The following SYNE2 variants were observed in gnomAD, a reference collection of about 807,000 sequenced individuals.
SYNE2 encodes spectrin repeat containing nuclear envelope protein 2, also known as nesprin-2.
In SYNE2, 431 loss-of-function variants were observed where a neutral mutation model predicts 856.3. That is an observed-to-expected ratio of 0.50 (90% CI 0.47 to 0.55). The LOEUF is 0.55. SYNE2 is among the 20% of genes least tolerant of loss of function. SYNE2 has a pLI of 0.00. For synonymous variants in SYNE2, 2,923 were observed against 2,872.3 expected, an observed-to-expected ratio of 1.02 and a Z score of -0.56; for missense variants, 8,129 against 8,023.2, an observed-to-expected ratio of 1.01 and a Z score of -0.50.
At chr14:64,218,341 GTTC>G (rs2098676611) in intron 108 of SYNE2, 54 bp from the exon 109 acceptor site, 2 of 1,473,090 alleles carry the variant, frequency 1.4e-6, no homozygotes, top group Admixed American at 3.5e-5. Context: ...GAATCCAGTT[GTTC>G]TTCAGATATC....
At chr14:63,990,320 G>A in intron 19 of SYNE2, 91 bp from the exon 20 acceptor site, 12 of 1,314,466 alleles carry the variant, frequency 9.1e-6, no homozygotes, top group Non-Finnish European at 1.3e-5. Context: ...GATTAATAAT[G>A]AACTTTTTTG....
intron 74 of SYNE2, 78 bp downstream of exon 74, chr14:64,128,631 C>T (rs1287694333): frequency 5.7e-6 from 5 of 882,150 alleles, no homozygotes; most frequent in Non-Finnish European, 7.8e-6. Flanking sequence ...TTCTGAACTA[C>T]TTTCCTTTGT....
In SYNE2 at chr14:63,948,734, G is replaced by GTGTGTATATATATATATGTA. The variant is rs1296695009; in HGVS notation, c.409-1090_409-1089insGTGTATATATATATATGTAT. Among the ~76,000 whole-genome samples, 14 of 57,492 alleles carry GTGTGTATATATATATATGTA rather than the reference G, an allele frequency of 2.4e-4. 2 individuals carry two copies. Among genetic ancestry groups the GTGTGTATATATATATATGTA allele is most frequent in the South Asian group, 1.2e-3 (2 of 1,706 alleles). The allele number at this position is 57,492 out of a possible 152,430, so 37.7% of individuals were successfully genotyped here. A position where few individuals can be genotyped will look rare whatever the true frequency, so the allele number is the denominator to read the frequency against. ...TATATATATGTGTGTATATATATGTGTATAGATATGTGTGTGTATATATAT... is the reference window on the plus strand; with the variant it reads ...TATATATATGTGTGTATATATATGTGTGTGTATATATATATATGTATATAGATATGTGTGTGTATATATAT... On this transcript the variant is annotated intron_variant, in intron 6 of 115. Transcript: ENST00000555002.
intron 94 of SYNE2, among the ~76,000 whole-genome samples, chr14:64,172,555 C>A (rs959213051): frequency 4.6e-5 from 7 of 152,036 alleles, no homozygotes; most frequent in African/African-American, 1.5e-4. Flanking sequence ...CCCTATAAAC[C>A]CAACCTCAGA....
chr14:63,869,646 A>AAC (rs1555354375), intron 1 of SYNE2, among the ~76,000 whole-genome samples: 2 of 151,316 alleles, frequency 1.3e-5, no homozygotes, highest in East Asian at 3.9e-4. Flanking sequence ...CAAAAAAAAA[A>AAC]AAAAAAAAAA....
intron 1 of SYNE2, among the ~76,000 whole-genome samples, chr14:63,767,172 T>A (rs2139694812): frequency 6.6e-6 from 1 of 150,934 alleles, no homozygotes; most frequent in Middle Eastern, 3.4e-3. Context: ...AGTGGCGCAA[T>A]CTCGGCTCAC....
chr14:64,094,039 C>T (rs1316888059), intron 61 of SYNE2, among the ~76,000 whole-genome samples: 1 of 152,106 alleles, frequency 6.6e-6, no homozygotes. Context: ...TCAGAATTAA[C>T]AGTGTCCTGT....
rs374654853 is a variant in SYNE2 at position 64,024,386 on chromosome 14, G to A, written c.5767G>A (p.Glu1923Lys). 9 of 1,614,122 alleles carry A rather than the reference G, an allele frequency of 5.6e-6. No homozygotes were observed. The highest frequency in any genetic ancestry group is 1.7e-5 in the Admixed American group (1 of 60,008). ...LISWLVGQEFELEKMESICQA... is the reference protein window; with the variant it reads ...LISWLVGQEFKLEKMESICQA... ...CAGTTGGCTCGTGGGTCAGGAATTC[G>A]AATTAGAAAAAATGGAGTCCATATG... Residue 1923 changes from glutamate to lysine, a missense_variant, in exon 39 of 116, where the codon GAA becomes AAA. By Grantham distance (56) the Glu-to-Lys change is moderately conservative. Around this residue, in one of 3 missense-constraint regions of SYNE2, gnomAD observed 2,422 missense variants for 2,357.4 expected, o/e 1.03. Coordinates refer to ENST00000555002, the MANE Select transcript of SYNE2 (RefSeq NM_182914.3).
chr14:64,176,203 G>A (rs932915869), intron 95 of SYNE2, among the ~76,000 whole-genome samples: 2 of 152,060 alleles, frequency 1.3e-5, no homozygotes, highest in African/African-American at 2.4e-5. Flanking sequence ...CTAATGAATC[G>A]AATATAAATA....
At chr14:64,174,067 A>ATTT in intron 94 of SYNE2, 2 of 536,942 alleles carry the variant, frequency 3.7e-6, no homozygotes, top group African/African-American at 2.0e-5. Flanking sequence ...TTGTCTCTTA[A>ATTT]ATTTTTTTTT....
intron 45 of SYNE2, among the ~76,000 whole-genome samples, chr14:64,047,197 G>A (rs938668908): frequency 6.6e-6 from 1 of 152,190 alleles, no homozygotes; most frequent in African/African-American, 2.4e-5. Context: ...CTGGAGGGGG[G>A]ATGGGAAGGG....
chr14:63,820,930 T>C (rs1435541381), intron 1 of SYNE2, among the ~76,000 whole-genome samples: 1 of 152,076 alleles, frequency 6.6e-6, no homozygotes, highest in Non-Finnish European at 1.5e-5. Flanking sequence ...TTTGTATTTT[T>C]AGTAGAGACG....
intron 49 of SYNE2, among the ~76,000 whole-genome samples, chr14:64,060,300 T>C (rs1595216809): frequency 6.6e-6 from 1 of 152,186 alleles, no homozygotes; most frequent in East Asian, 1.9e-4. Context: ...AGGCCCACAG[T>C]GTGTACTACC....
intron 10 of SYNE2, among the ~76,000 whole-genome samples, chr14:63,964,785 A>G (rs2096367968): frequency 6.6e-6 from 1 of 152,012 alleles, no homozygotes; most frequent in Non-Finnish European, 1.5e-5. Context: ...CGGCCTCCCA[A>G]AGTGCTGGGA....
intron 58 of SYNE2, 129 bp from the exon 59 acceptor site, chr14:64,089,445 G>T: frequency 7.3e-6 from 4 of 547,418 alleles, no homozygotes; most frequent in Non-Finnish European, 6.0e-6. Context: ...TGCTTGGTTA[G>T]TTTTTCAGAG....
chr14:63,877,679 A>G (rs576198597), intron 1 of SYNE2, among the ~76,000 whole-genome samples: 1 of 152,322 alleles, frequency 6.6e-6, no homozygotes, highest in African/African-American at 2.4e-5. Context: ...GGAGCTTGAT[A>G]TTTAACAGTG....
chr14:63,836,742 C>T (rs1889870303), intron 1 of SYNE2, among the ~76,000 whole-genome samples: 2 of 152,188 alleles, frequency 1.3e-5, no homozygotes, highest in Non-Finnish European at 2.9e-5. Context: ...GTCTTTGCCT[C>T]TCCTTTCTCC....
chr14:63,838,396 T>C lies in SYNE2; in HGVS notation c.-304-14105T>C, dbSNP rs889327494. Among the ~76,000 whole-genome samples the C allele has an allele frequency of 3.3e-5, 5 of 152,304 alleles. No homozygotes were observed. In the Middle Eastern group the frequency reaches 0.014, roughly 414 times the overall value. On this transcript the variant is annotated intron_variant, in intron 1 of 23. Coordinates refer to the SYNE2 transcript ENST00000674003. ...GAAGCTGGTAGCACTCATTGAACTG[T>C]ACATTTAAAATTTGTGCATTTTATT...
chr14:64,185,024 G>A (rs2098481658), intron 96 of SYNE2, among the ~76,000 whole-genome samples: 1 of 152,260 alleles, frequency 6.6e-6, no homozygotes, highest in African/African-American at 2.4e-5. Flanking sequence ...AGGGGGCTGA[G>A]GCAAGGGGAT....
Sources: gnomAD v4.1 joint callset for allele counts (sites outside exome capture counted in the v4.1 genomes callset) on GRCh38, gnomAD v4.1.1 for gene constraint, gnomAD v4.1.1 regional missense constraint, MANE v1.5 for transcripts, NCBI Gene and HGNC (gene_info 2026-07-23, HGNC 2026-07-21) for gene names.